The following VTI1A variants were observed in gnomAD, a reference collection of about 807,000 sequenced individuals.
The protein encoded by VTI1A is vesicle transport through interaction with t-SNAREs 1A, also known as vesicle transport through interaction with t-SNAREs homolog 1A.
A neutral mutation model predicts 34.9 loss-of-function variants in VTI1A; 22 were observed. That is an observed-to-expected ratio of 0.63 (90% confidence interval 0.45 to 0.90). VTI1A has a LOEUF of 0.90. Ranked by LOEUF, VTI1A falls within the 40% of genes least tolerant of loss-of-function variation. VTI1A has a pLI of 0.00. For synonymous variants in VTI1A, 87 were observed against 97.3 expected (o/e 0.89, Z 0.62); for missense variants, 268 against 275.6 (o/e 0.97, Z 0.20).
intron 7 of VTI1A, among the ~76,000 whole-genome samples, chr10:112,702,944 C>T (rs1180224306): frequency 6.6e-6 from 1 of 152,150 alleles, no homozygotes; most frequent in African/African-American, 2.4e-5. Flanking sequence ...TGGGTACTCT[C>T]TAGTATTAAC....
intron 7 of VTI1A, among the ~76,000 whole-genome samples, chr10:112,700,176 C>T (rs1212099602): frequency 6.7e-6 from 1 of 150,028 alleles, no homozygotes; most frequent in African/African-American, 2.4e-5. Context: ...AAAACATTAT[C>T]CCCATCTTAC....
intron 7 of VTI1A, among the ~76,000 whole-genome samples, chr10:112,754,448 A>G (rs924665663): frequency 2.0e-5 from 3 of 152,202 alleles, no homozygotes; most frequent in Non-Finnish European, 2.9e-5. Context: ...CTGCTTTTCT[A>G]TCTACAAAAG....
the VTI1A span, among the ~76,000 whole-genome samples, chr10:112,835,431 A>C: frequency 6.6e-6 from 1 of 152,222 alleles, no homozygotes; most frequent in Non-Finnish European, 1.5e-5. Flanking sequence ...TTTTTAAGCC[A>C]GCCCTCTCCC....
At chr10:112,670,552 G>A (rs1218590534) in intron 7 of VTI1A, among the ~76,000 whole-genome samples, 2 of 152,006 alleles carry the variant, frequency 1.3e-5, no homozygotes, top group East Asian at 1.9e-4. Flanking sequence ...CCTTTAGTGC[G>A]GGACACTGCA....
the VTI1A span, among the ~76,000 whole-genome samples, chr10:112,830,035 A>T: frequency 6.6e-6 from 1 of 152,160 alleles, no homozygotes; most frequent in African/African-American, 2.4e-5. Context: ...TCTCCCAGGA[A>T]CACTGGTAGA....
At chr10:112,810,870 T>C (rs113970006) in intron 7 of VTI1A, among the ~76,000 whole-genome samples, 1 of 152,336 alleles carries the variant, frequency 6.6e-6, no homozygotes, top group South Asian at 2.1e-4. Context: ...AAGCTCCTGA[T>C]TCTTCAGTGA....
chr10:112,688,521 C>CTT lies in VTI1A; in HGVS notation c.560+19539_560+19540dup, dbSNP rs59853999. ...TTGTACTACTAATGTCAATTTTTTT[C>CTT]TTTTTTTTTTTTTTTTTGAGATGGA... is the stretch of plus-strand genomic sequence containing the variant. On this transcript the variant is annotated intron_variant, in intron 7 of 7. Transcript: ENST00000393077. 2.0e-3 allele frequency among the ~76,000 whole-genome samples: 237 copies of CTT among 116,406 alleles called. 3 individuals are homozygous for CTT. Among genetic ancestry groups the CTT allele is most frequent in the African/African-American group, 5.3e-3 (155 of 29,076 alleles). 76.4% of individuals were successfully genotyped at this position (116,406 alleles called of 152,430 possible).
intron 7 of VTI1A, among the ~76,000 whole-genome samples, chr10:112,809,899 G>A (rs1337076861): frequency 6.6e-6 from 1 of 152,042 alleles, no homozygotes; most frequent in Non-Finnish European, 1.5e-5. Context: ...GACATAGCCA[G>A]GAAATGCCTC....
intron 1 of VTI1A, 122 bp downstream of exon 1, chr10:112,447,589 T>G: frequency 8.8e-7 from 1 of 1,134,054 alleles, no homozygotes; most frequent in Non-Finnish European, 1.3e-6. Context: ...TGCCGGCTGT[T>G]CCCAGGAGGG....
intron 5 of VTI1A, among the ~76,000 whole-genome samples, chr10:112,556,007 G>A (rs1851531178): frequency 6.6e-6 from 1 of 151,934 alleles, no homozygotes; most frequent in African/African-American, 2.4e-5. Flanking sequence ...ATAGCTCATG[G>A]CAAGAATATT....
the VTI1A span, among the ~76,000 whole-genome samples, chr10:112,835,863 T>C: frequency 3.7e-4 from 56 of 152,306 alleles, no homozygotes; most frequent in Admixed American, 2.0e-3. Flanking sequence ...TATTTTTAAA[T>C]TCAGGTGGAG....
chr10:112,543,475 TC>T (rs1468285375), intron 5 of VTI1A, among the ~76,000 whole-genome samples: 1 of 152,252 alleles, frequency 6.6e-6, no homozygotes, highest in East Asian at 1.9e-4. Flanking sequence ...ATAAATGTCT[TC>T]TTTTGAGAAG....
intron 5 of VTI1A, among the ~76,000 whole-genome samples, chr10:112,666,793 G>A (rs1413304285): frequency 2.0e-5 from 3 of 152,112 alleles, no homozygotes; most frequent in African/African-American, 7.2e-5. Flanking sequence ...GTCCAGTGAT[G>A]TTCTTATATC....
At chr10:112,769,928 CT>C (rs980932993) in intron 7 of VTI1A, among the ~76,000 whole-genome samples, 1 of 152,148 alleles carries the variant, frequency 6.6e-6, no homozygotes, top group Non-Finnish European at 1.5e-5. Context: ...TATCCAGAGG[CT>C]TCTCAGAATC....
At chr10:112,563,030 A>G (rs1851781037) in intron 5 of VTI1A, among the ~76,000 whole-genome samples, 1 of 152,210 alleles carries the variant, frequency 6.6e-6, no homozygotes, top group Non-Finnish European at 1.5e-5. Context: ...GCACCCGCGT[A>G]GAGTTGCAGG....
Position 112,492,075 on chromosome 10 carries a change from G to A in VTI1A, c.264+27418G>A, listed in dbSNP as rs371342252. Among the ~76,000 whole-genome samples, 4 of 152,102 alleles carry A rather than the reference G, an allele frequency of 2.6e-5. No homozygotes were observed. The East Asian group carries it at 5.8e-4, about 22-fold the overall frequency. On this transcript the variant is annotated intron_variant, in intron 3 of 7. Coordinates refer to ENST00000393077, the MANE Select transcript of VTI1A (RefSeq NM_145206.4). ...TGATTCCAATGTTCGATCAAGGTTG[G>A]GCACTGCCTCCCTAGACATAATGTT...
chr10:112,832,520 C>T, the VTI1A span: 1 of 152,300 alleles, frequency 6.6e-6, no homozygotes, highest in African/African-American at 2.4e-5. Flanking sequence ...CCACATCAGA[C>T]TTACTTCTTC....
intron 7 of VTI1A, among the ~76,000 whole-genome samples, chr10:112,772,230 T>C (rs1564919597): frequency 6.6e-6 from 1 of 152,230 alleles, no homozygotes; most frequent in Non-Finnish European, 1.5e-5. Context: ...ATGAGACTTT[T>C]CAATTCTAGC....
chr10:112,620,725 G>A (rs1845703654), intron 5 of VTI1A, among the ~76,000 whole-genome samples: 1 of 151,612 alleles, frequency 6.6e-6, no homozygotes, highest in Non-Finnish European at 1.5e-5. Context: ...AGGAGGCAGA[G>A]GTTGCAGTGA....
Sources: gnomAD v4.1 joint callset for allele counts (sites outside exome capture counted in the v4.1 genomes callset) on GRCh38, gnomAD v4.1.1 for gene constraint, MANE v1.5 for transcripts, NCBI Gene and HGNC (gene_info 2026-07-23, HGNC 2026-07-21) for gene names.